The following B3GLCT variants were observed in gnomAD, a reference collection of about 807,000 sequenced individuals.
B3GLCT encodes the protein beta 3-glucosyltransferase.
In B3GLCT, 65 loss-of-function variants were observed where a neutral mutation model predicts 63.4. That is an observed-to-expected ratio of 1.03 (90% CI 0.84 to 1.26). The LOEUF (loss-of-function observed/expected upper bound fraction) is 1.26. Among genes scored for constraint, B3GLCT ranks in the 50% most tolerant of loss-of-function variants. B3GLCT has a pLI of 0.00. For synonymous variants in B3GLCT, 233 were observed against 219.2 expected, an observed-to-expected ratio of 1.06 and a Z score of -0.55; for missense variants, 577 against 604.8, an observed-to-expected ratio of 0.95 and a Z score of 0.48.
At chr13:31,260,803 C>T (rs994422939) in intron 6 of B3GLCT, 143 bp from the exon 7 acceptor site, 4 of 754,156 alleles carry the variant, frequency 5.3e-6, no homozygotes, top group Admixed American at 5.4e-5. Flanking sequence ...TTTTTGTTCA[C>T]ATTCTCTAGA....
intron 12 of B3GLCT, among the ~76,000 whole-genome samples, chr13:31,297,772 A>G (rs1323659519): frequency 2.0e-5 from 3 of 151,866 alleles, no homozygotes; most frequent in African/African-American, 4.8e-5. Flanking sequence ...GGTTCTTACA[A>G]CCTCCTCTGT....
chr13:31,212,378 G>A (rs1041361205), intron 1 of B3GLCT, among the ~76,000 whole-genome samples: 3 of 150,310 alleles, frequency 2.0e-5, no homozygotes, highest in Admixed American at 6.7e-5. Context: ...GGGTTCAAGC[G>A]ATTCTCCTGC....
intron 2 of B3GLCT, among the ~76,000 whole-genome samples, chr13:31,221,687 G>A (rs955900426): frequency 2.0e-5 from 3 of 152,158 alleles, no homozygotes; most frequent in Non-Finnish European, 2.9e-5. Flanking sequence ...TGGTCCCTTT[G>A]GTATTCTTAG....
At chr13:31,269,879 T>C (rs1373324688) in intron 8 of B3GLCT, among the ~76,000 whole-genome samples, 1 of 152,220 alleles carries the variant, frequency 6.6e-6, no homozygotes, top group East Asian at 1.9e-4. Flanking sequence ...CCCTTGATCT[T>C]AGACTTCCCA....
chr13:31,205,418 G>A (rs1026093703), intron 1 of B3GLCT, among the ~76,000 whole-genome samples: 5 of 151,972 alleles, frequency 3.3e-5, no homozygotes, highest in African/African-American at 4.8e-5. Context: ...AATTACCCGC[G>A]CATGGTGGCG....
At chr13:31,305,167 G>T (rs1851057866) in intron 12 of B3GLCT, among the ~76,000 whole-genome samples, 1 of 20,106 alleles carries the variant, frequency 5.0e-5, no homozygotes, top group Non-Finnish European at 8.6e-5. Context: ...TCTCTGGGAC[G>T]CATTCAAAGC....
chr13:31,295,781 T>C (rs1873906998), intron 12 of B3GLCT, among the ~76,000 whole-genome samples: 1 of 152,160 alleles, frequency 6.6e-6, no homozygotes, highest in South Asian at 2.1e-4. Flanking sequence ...TGAGCTAGAC[T>C]ACTTGGCTCC....
chr13:31,203,055 T>C (rs1045616786), intron 1 of B3GLCT, among the ~76,000 whole-genome samples: 1 of 152,232 alleles, frequency 6.6e-6, no homozygotes, highest in African/African-American at 2.4e-5. Flanking sequence ...TAGCTTTTAT[T>C]TTTCACATGC....
chr13:31,227,804 A>G lies in B3GLCT; in HGVS notation c.161-1381A>G, dbSNP rs555133889. ...AATTAAAATCAAATTAGGTTCTCTG[A>G]GCTGAGGTGTTAAAGAGAAAGATTC... is the stretch of plus-strand genomic sequence containing the variant. On this transcript the variant is annotated intron_variant, in intron 3 of 14. Coordinates refer to ENST00000343307, the MANE Select transcript of B3GLCT (RefSeq NM_194318.4). Among the ~76,000 whole-genome samples, 8 of 152,340 alleles carry G rather than the reference A, an allele frequency of 5.3e-5. 1 individual carries two copies. In the South Asian group the frequency reaches 1.7e-3, roughly 32 times the overall value.
At chr13:31,317,906 A>G (rs1207384641) in intron 13 of B3GLCT, among the ~76,000 whole-genome samples, 1 of 152,064 alleles carries the variant, frequency 6.6e-6, no homozygotes, top group Non-Finnish European at 1.5e-5. Flanking sequence ...AAAGTATGTC[A>G]TACTTGCTAG....
chr13:31,325,747 T>A (rs978422409), intron 14 of B3GLCT, among the ~76,000 whole-genome samples: 4 of 152,356 alleles, frequency 2.6e-5, no homozygotes, highest in East Asian at 1.9e-4. Context: ...GCTTTCCATT[T>A]ATAGTGTTTA....
chr13:31,219,641 G>A (rs1453456521), intron 2 of B3GLCT, among the ~76,000 whole-genome samples: 1 of 152,166 alleles, frequency 6.6e-6, no homozygotes, highest in Non-Finnish European at 1.5e-5. Context: ...CTCCTCATCT[G>A]TAAGATGGGG....
chr13:31,293,036 T>C (rs1319170095), intron 12 of B3GLCT, among the ~76,000 whole-genome samples: 1 of 151,418 alleles, frequency 6.6e-6, no homozygotes, highest in South Asian at 2.1e-4. Flanking sequence ...TCCAAAGAAC[T>C]TATTTCTGCC....
intron 4 of B3GLCT, among the ~76,000 whole-genome samples, chr13:31,239,396 GAGAC>G (rs142472351): frequency 0.042 from 6,451 of 152,232 alleles, 150 homozygotes; most frequent in Non-Finnish European, 0.051. Flanking sequence ...AAGTGGAGGT[GAGAC>G]AGACAGAAAC....
In B3GLCT at chr13:31,329,975, G is replaced by A; in HGVS notation, c.*307G>A. The A allele has an allele frequency of 7.9e-6, 3 of 377,672 alleles. No homozygotes were observed. Among genetic ancestry groups the A allele is most frequent in the South Asian group, 7.2e-5 (3 of 41,454 alleles). The allele number at this position is 377,672 out of a possible 1,614,324, so 23.4% of individuals were successfully genotyped here. The stretch of plus-strand genomic sequence containing the variant: ...TTTTTATTGTCACAGGGAAATAAAT[G>A]GTACCAGAAGTCCCTTTCCTGTTCT... On this transcript the variant is annotated 3_prime_UTR_variant, in exon 15 of 15. Transcript: ENST00000343307.
chr13:31,226,676 C>T (rs1157738398), intron 3 of B3GLCT, among the ~76,000 whole-genome samples: 1 of 152,002 alleles, frequency 6.6e-6, no homozygotes, highest in Non-Finnish European at 1.5e-5. Context: ...CCCAAGCAAT[C>T]CTCCCACTTC....
At chr13:31,209,438 T>C (rs1385310179) in intron 1 of B3GLCT, among the ~76,000 whole-genome samples, 2 of 152,184 alleles carry the variant, frequency 1.3e-5, no homozygotes, top group Admixed American at 1.3e-4. Flanking sequence ...TGGAGCCAGC[T>C]GGGTGACATG....
At chr13:31,224,905 A>C (rs1037281019) in intron 3 of B3GLCT, among the ~76,000 whole-genome samples, 2 of 152,202 alleles carry the variant, frequency 1.3e-5, no homozygotes, top group Non-Finnish European at 2.9e-5. Flanking sequence ...TTTACAGTAC[A>C]GTGCTTGGCC....
At chr13:31,275,549 A>C (rs1401283635) in intron 9 of B3GLCT, among the ~76,000 whole-genome samples, 1 of 152,232 alleles carries the variant, frequency 6.6e-6, no homozygotes, top group African/African-American at 2.4e-5. Context: ...CTCTTTCAGC[A>C]GGTGGCTCTG....
Sources: allele counts gnomAD v4.1 joint callset (sites outside exome capture counted in the v4.1 genomes callset), GRCh38; gene constraint gnomAD v4.1.1; transcripts MANE v1.5; gene names NCBI Gene and HGNC (gene_info 2026-07-23, HGNC 2026-07-21).